Variants in CSRP1 observed in about 807,000 individuals in gnomAD.
CSRP1 encodes the protein cysteine and glycine-rich protein 1.
Under a neutral mutation model 25.4 loss-of-function variants are expected in CSRP1, and 16 were observed. That is an observed-to-expected ratio of 0.63 (90% CI 0.43 to 0.96). CSRP1 has a LOEUF of 0.96. Among genes scored for constraint, CSRP1 ranks in the 40% least tolerant of loss-of-function variants. CSRP1 has a pLI of 0.00. For synonymous variants in CSRP1, 97 were observed against 95.3 expected (o/e 1.02, Z -0.10); for missense variants, 212 against 243.6 (o/e 0.87, Z 0.86).
At chr1:201,499,675 G>A (rs1664609294) in intron 1 of CSRP1, among the ~76,000 whole-genome samples, 1 of 152,100 alleles carries the variant, frequency 6.6e-6, no homozygotes, top group Admixed American at 6.5e-5. Flanking sequence ...GACTGCAGTG[G>A]CACAATCTCT....
chr1:201,490,059 A>G, intron 3 of CSRP1, 117 bp downstream of exon 3: 1 of 1,034,440 alleles, frequency 9.7e-7, no homozygotes, highest in South Asian at 1.7e-5. Flanking sequence ...CTTTTAAATA[A>G]CTGGTTTTCT....
At chr1:201,493,058 C>G (rs1272596146) in intron 2 of CSRP1, among the ~76,000 whole-genome samples, 2 of 152,354 alleles carry the variant, frequency 1.3e-5, no homozygotes, top group East Asian at 1.9e-4. Context: ...CAGCAGGGAG[C>G]TGGGTACAGC....
chr1:201,500,634 C>A (rs552890869), intron 1 of CSRP1, among the ~76,000 whole-genome samples: 1 of 152,372 alleles, frequency 6.6e-6, no homozygotes, highest in African/African-American at 2.4e-5. Flanking sequence ...TCAGGCAGTG[C>A]CTGTGGATGA....
Position 201,490,311 on chromosome 1 carries a change from A to G in CSRP1, c.146T>C (p.Val49Ala). The G allele has an allele frequency of 6.2e-7, 1 of 1,614,198 alleles. No homozygotes were observed. The highest frequency in any genetic ancestry group is 1.3e-5 in the African/African-American group (1 of 75,050). ...VCKKNLDSTT[V>A]AVHGEEIYCK... is the part of the protein sequence containing the mutation. ...GTAAATCTCCTCACCATGCACGGCC[A>G]CAGTGGTACTGTCCAGATTCTTCTT... is the stretch of plus-strand genomic sequence containing the variant. The change falls in exon 3 of 6, where the codon GTG becomes GCG. Residue 49 changes from valine to alanine, a missense_variant. Coordinates refer to ENST00000340006, the MANE Select transcript of CSRP1 (RefSeq NM_004078.3).
chr1:201,499,969 C>T (rs1664618387), intron 1 of CSRP1, among the ~76,000 whole-genome samples: 1 of 152,068 alleles, frequency 6.6e-6, no homozygotes, highest in African/African-American at 2.4e-5. Context: ...GAATGTATGC[C>T]CACCTTACAG....
In CSRP1 at chr1:201,495,891, GGA is replaced by G. The variant is rs1015412746; in HGVS notation, c.112+299_112+300del. Reference sequence around the variant, plus strand: ...CTCTGAAATGGTGAAATCATGACAGGGAGAGAGAGAAGAGAGAGCTGAGTGGA... The same window carrying G: ...CTCTGAAATGGTGAAATCATGACAGGGAGAGAGAAGAGAGAGCTGAGTGGA... On this transcript the variant is annotated intron_variant, in intron 2 of 5. Coordinates refer to ENST00000340006, the MANE Select transcript of CSRP1 (RefSeq NM_004078.3). The G allele has an allele frequency of 3.4e-5, 11 of 319,392 alleles. 1 individual carries two copies. Among genetic ancestry groups the G allele is most frequent in the African/African-American group, 1.9e-4 (9 of 47,372 alleles). 19.8% of individuals were successfully genotyped at this position (319,392 alleles called of 1,614,324 possible).
At position 201,485,277 on chromosome 1, in the gene CSRP1, A is replaced by T. The variant is rs1316872810; in HGVS notation, c.505+6T>A. 2.5e-6 allele frequency: 4 copies of T among 1,613,968 alleles called. No homozygotes were observed. In the South Asian group the frequency reaches 4.4e-5, roughly 18 times the overall value. ...CTGACCCTCAATTAGAAGTGAAAAC[A>T]CCCACCTTTGCAGTAAATCTCGCCA... On this transcript the variant is annotated splice_donor_region_variant and intron_variant, in intron 5 of 5. Transcript: ENST00000340006.
intron 5 of CSRP1, 37 bp downstream of exon 5, chr1:201,485,246 G>A (rs1319940750): frequency 2.5e-6 from 4 of 1,592,248 alleles, no homozygotes; most frequent in African/African-American, 1.3e-5. Context: ...TACCCCCTTG[G>A]GCCTCCTGAC....
Position 201,483,533 on chromosome 1 carries a change from T to A in CSRP1, c.*1180A>T, listed in dbSNP as rs1664038205. The A allele has an allele frequency of 6.4e-6, 1 of 157,470 alleles. No homozygotes were observed. The highest frequency in any genetic ancestry group is 1.8e-4 in the East Asian group (1 of 5,550). The allele number at this position is 157,470 out of a possible 1,614,324, so 9.8% of individuals were successfully genotyped here. A position where few individuals can be genotyped will look rare whatever the true frequency, so the allele number is the denominator to read the frequency against. ...GACACAGGATTGGACACCAGAGTTC[T>A]GGTCTAAACAGCTTTATTGACCAGA... is the stretch of plus-strand genomic sequence containing the variant. On this transcript the variant is annotated 3_prime_UTR_variant, in exon 6 of 6. Coordinates refer to ENST00000340006, the MANE Select transcript of CSRP1 (RefSeq NM_004078.3).
chr1:201,496,430 C>A, intron 1 of CSRP1, 126 bp from the exon 2 acceptor site: 1 of 783,626 alleles, frequency 1.3e-6, no homozygotes. Flanking sequence ...GCCTGGGGGG[C>A]CACCAGGCCT....
intron 2 of CSRP1, among the ~76,000 whole-genome samples, chr1:201,495,275 G>A (rs908663628): frequency 1.3e-5 from 2 of 152,212 alleles, no homozygotes; most frequent in African/African-American, 2.4e-5. Context: ...TGGCATGCAT[G>A]TGTAGTCCTA....
intron 1 of CSRP1, 194 bp from the exon 2 acceptor site, chr1:201,496,498 T>G: frequency 1.7e-6 from 1 of 602,802 alleles, no homozygotes; most frequent in Middle Eastern, 3.5e-4. Flanking sequence ...GGGGATTTCC[T>G]CCCCCCAATC....
chr1:201,506,429 G>A (rs530301101), intron 1 of CSRP1, among the ~76,000 whole-genome samples: 2 of 152,232 alleles, frequency 1.3e-5, no homozygotes, highest in African/African-American at 2.4e-5. Context: ...AGGGCTGATT[G>A]TTAGCTAACA....
At chr1:201,486,477 C>A (rs1392836646) in intron 4 of CSRP1, 2 of 985,444 alleles carry the variant, frequency 2.0e-6, no homozygotes, top group Non-Finnish European at 2.4e-6. Flanking sequence ...TTCCTGGTTG[C>A]CTAACCTTGC....
At chr1:201,496,372 C>CG in intron 1 of CSRP1, 68 bp from the exon 2 acceptor site, 1 of 1,293,712 alleles carries the variant, frequency 7.7e-7, no homozygotes, top group Non-Finnish European at 1.1e-6. Flanking sequence ...TTGTCCACGA[C>CG]AGAAATGCAA....
At chr1:201,488,727 G>C (rs1664228877) in intron 4 of CSRP1, 128 bp downstream of exon 4, 2 of 1,086,434 alleles carry the variant, frequency 1.8e-6, no homozygotes, top group African/African-American at 3.2e-5. Context: ...CAGGGACAAA[G>C]AGAAGAGGTT....
chr1:201,495,213 T>C (rs1487050906), intron 2 of CSRP1, among the ~76,000 whole-genome samples: 1 of 152,140 alleles, frequency 6.6e-6, no homozygotes, highest in East Asian at 1.9e-4. Flanking sequence ...CTGGGTAATA[T>C]AGGGAGACCC....
intron 1 of CSRP1, among the ~76,000 whole-genome samples, chr1:201,497,895 A>G (rs917065760): frequency 3.0e-4 from 45 of 152,204 alleles, no homozygotes; most frequent in Non-Finnish European, 5.7e-4. Flanking sequence ...CTGTAATCCC[A>G]GCCACTCAGG....
At chr1:201,503,052 A>C (rs551542088) in intron 1 of CSRP1, among the ~76,000 whole-genome samples, 2 of 152,218 alleles carry the variant, frequency 1.3e-5, no homozygotes, top group East Asian at 3.9e-4. Flanking sequence ...AGGCTGAGGC[A>C]GGAGAATTGC....
Sources: allele counts gnomAD v4.1 joint callset (sites outside exome capture counted in the v4.1 genomes callset), GRCh38; gene constraint gnomAD v4.1.1; transcripts MANE v1.5; gene names NCBI Gene and HGNC (gene_info 2026-07-23, HGNC 2026-07-21).